STK32B: variants seen among roughly 807,000 people sequenced by gnomAD.
The protein encoded by STK32B is serine/threonine kinase 32B, also known as serine/threonine-protein kinase 32B.
Under a neutral mutation model 52.6 loss-of-function variants are expected in STK32B, and 43 were observed. That is an observed-to-expected ratio of 0.82 (90% CI 0.64 to 1.05). The LOEUF is 1.05. STK32B is among the 50% of genes least tolerant of loss of function. The probability of loss-of-function intolerance (pLI) is 0.00; values close to 1 mark genes in which losing one functional copy is unlikely to be tolerated. For synonymous variants in STK32B, 238 were observed against 204.3 expected (o/e 1.17, Z -1.41); for missense variants, 621 against 534.6 (o/e 1.16, Z -1.59).
At chr4:5,442,893 G>T (rs1003860665) in intron 6 of STK32B, among the ~76,000 whole-genome samples, 1 of 151,992 alleles carries the variant, frequency 6.6e-6, no homozygotes, top group Non-Finnish European at 1.5e-5. Context: ...TGAAATTCTG[G>T]GTTGAAAATT....
Position 5,494,436 on chromosome 4 carries a change from T to A in STK32B, c.1107-4509T>A, listed in dbSNP as rs192536464. ...TGTTTTCCATTTGCTTGGTAGATTTTCCTCCATCCCTTTATTTTGAGCCTA... is the reference window on the plus strand; with the variant it reads ...TGTTTTCCATTTGCTTGGTAGATTTACCTCCATCCCTTTATTTTGAGCCTA... On this transcript the variant is annotated intron_variant, in intron 11 of 11. Coordinates refer to ENST00000282908, the MANE Select transcript of STK32B (RefSeq NM_018401.3). Among the ~76,000 whole-genome samples, 1,296 of 151,958 alleles carry A rather than the reference T, an allele frequency of 8.5e-3. 18 individuals carry two copies. Among genetic ancestry groups the A allele is most frequent in the African/African-American group, 0.03 (1,217 of 41,202 alleles).
Position 5,168,288 on chromosome 4 carries a change from C to CTG in STK32B, c.109-9_109-8dup. The stretch of plus-strand genomic sequence containing the variant: ...TTGGCCTGACTGTTCTCTCCTTTGG[C>CTG]TGTCGCTCAGGTATGCATCGTGCAG... On this transcript the variant is annotated splice_polypyrimidine_tract_variant and intron_variant, in intron 2 of 11. Transcript: ENST00000282908. The CTG allele has an allele frequency of 6.2e-7, 1 of 1,605,026 alleles. No homozygotes were observed. The highest frequency in any genetic ancestry group is 8.5e-7 in the Non-Finnish European group (1 of 1,172,848).
At chr4:5,263,302 G>T (rs1342423431) in intron 3 of STK32B, among the ~76,000 whole-genome samples, 1 of 135,552 alleles carries the variant, frequency 7.4e-6, no homozygotes, top group African/African-American at 2.9e-5. Context: ...TGTGTCTGAG[G>T]CTTGATTTGG....
At chr4:5,182,609 C>T (rs1720447266) in intron 3 of STK32B, among the ~76,000 whole-genome samples, 1 of 151,952 alleles carries the variant, frequency 6.6e-6, no homozygotes, top group Non-Finnish European at 1.5e-5. Context: ...CTACAGGTGG[C>T]CGCCACCATG....
intron 7 of STK32B, among the ~76,000 whole-genome samples, chr4:5,451,123 C>T (rs1193241320): frequency 6.6e-6 from 1 of 152,162 alleles, no homozygotes; most frequent in Non-Finnish European, 1.5e-5. Context: ...GTCTGGCACA[C>T]AGGAGATGTG....
intron 1 of STK32B, among the ~76,000 whole-genome samples, chr4:5,138,672 A>C (rs1191219579): frequency 2.0e-5 from 3 of 152,236 alleles, no homozygotes; most frequent in African/African-American, 7.2e-5. Flanking sequence ...AGTGAACTTA[A>C]TGAAATATAC....
intron 3 of STK32B, among the ~76,000 whole-genome samples, chr4:5,306,087 C>G (rs914613764): frequency 6.6e-6 from 1 of 151,950 alleles, no homozygotes; most frequent in African/African-American, 2.4e-5. Flanking sequence ...ATAATTTTGA[C>G]TTTCCTAAAT....
the STK32B span, among the ~76,000 whole-genome samples, chr4:5,041,166 G>A: frequency 1.3e-5 from 2 of 152,100 alleles, no homozygotes; most frequent in Non-Finnish European, 2.9e-5. Flanking sequence ...TTTTCTTCAG[G>A]GAAATGGGTG....
chr4:5,317,020 TAA>T (rs1296724514), intron 3 of STK32B, among the ~76,000 whole-genome samples: 3 of 39,284 alleles, frequency 7.6e-5, no homozygotes, highest in East Asian at 1.3e-3. Context: ...ATATAATATA[TAA>T]TATATATGAT....
intron 7 of STK32B, among the ~76,000 whole-genome samples, chr4:5,449,614 G>A (rs564507632): frequency 9.2e-5 from 14 of 152,180 alleles, no homozygotes; most frequent in African/African-American, 2.9e-4. Context: ...GGAACTGGCC[G>A]CACAGCAGAG....
intron 3 of STK32B, among the ~76,000 whole-genome samples, chr4:5,223,368 C>T (rs1299988095): frequency 3.9e-5 from 6 of 152,124 alleles, no homozygotes; most frequent in African/African-American, 1.4e-4. Context: ...CCCTGAAGCC[C>T]CACACCTGTA....
rs1732512832 is a variant in STK32B at position 5,334,690 on chromosome 4, T to C, written c.434+3297T>C. 2.0e-5 allele frequency among the ~76,000 whole-genome samples: 3 copies of C among 150,214 alleles called. No individual in the cohort carries two copies. In the South Asian group the frequency reaches 6.3e-4, roughly 32 times the overall value. On this transcript the variant is annotated intron_variant, in intron 4 of 11. Transcript: ENST00000282908. ...TATTGAGAGTTTTTAGCCTGAAGGGTTGTTGAATTTTGTCAAAGGCCTTTT... is the reference window on the plus strand; with the variant it reads ...TATTGAGAGTTTTTAGCCTGAAGGGCTGTTGAATTTTGTCAAAGGCCTTTT...
At chr4:5,204,605 G>T (rs1722426122) in intron 3 of STK32B, among the ~76,000 whole-genome samples, 1 of 152,010 alleles carries the variant, frequency 6.6e-6, no homozygotes, top group Non-Finnish European at 1.5e-5. Context: ...GAGTAGCTGG[G>T]ACTACAGGTG....
intron 1 of STK32B, among the ~76,000 whole-genome samples, chr4:5,114,487 C>T (rs1244778579): frequency 6.6e-6 from 1 of 152,040 alleles, no homozygotes; most frequent in Non-Finnish European, 1.5e-5. Context: ...CTTATTTCTC[C>T]TGGTGTCCCC....
Position 5,468,003 on chromosome 4 carries a change from C to T in STK32B, c.1042-3C>T, listed in dbSNP as rs1168259304. ...TTAGTCACCCCTCTGTGCTCTTTGA[C>T]AGAATGGACACCTGCAGCACTGTTT... On this transcript the variant is annotated splice_polypyrimidine_tract_variant and splice_region_variant and intron_variant, in intron 10 of 11. Transcript: ENST00000282908. 1.2e-6 allele frequency: 2 copies of T among 1,614,148 alleles called. No individual in the cohort carries two copies. The highest frequency in any genetic ancestry group is 1.7e-6 in the Non-Finnish European group (2 of 1,179,986).
chr4:5,173,609 C>T (rs1486086782), intron 3 of STK32B, among the ~76,000 whole-genome samples: 9 of 152,008 alleles, frequency 5.9e-5, no homozygotes, highest in African/African-American at 9.7e-5. Flanking sequence ...TGTAGTTGAG[C>T]GGTTTTGAGT....
chr4:5,208,518 T>A (rs1190255169), intron 3 of STK32B, among the ~76,000 whole-genome samples: 1 of 152,238 alleles, frequency 6.6e-6, no homozygotes, highest in Non-Finnish European at 1.5e-5. Context: ...TAACTTCAAT[T>A]TCAGGGCAGA....
At chr4:5,264,524 C>G (rs534359398) in intron 3 of STK32B, among the ~76,000 whole-genome samples, 1 of 152,038 alleles carries the variant, frequency 6.6e-6, no homozygotes, top group Admixed American at 6.6e-5. Context: ...CGGTGGCTCA[C>G]GCCTGTAATC....
intron 3 of STK32B, among the ~76,000 whole-genome samples, chr4:5,251,240 T>C (rs1725907680): frequency 6.6e-6 from 1 of 152,224 alleles, no homozygotes; most frequent in African/African-American, 2.4e-5. Context: ...TTGTATATGG[T>C]GTAAGGAAAG....
Sources: gnomAD v4.1 joint callset for allele counts (sites outside exome capture counted in the v4.1 genomes callset) on GRCh38, gnomAD v4.1.1 for gene constraint, MANE v1.5 for transcripts, NCBI Gene and HGNC (gene_info 2026-07-23, HGNC 2026-07-21) for gene names.